The following SMARCB1 variants were observed in gnomAD, a reference collection of about 807,000 sequenced individuals.
SMARCB1 encodes SWI/SNF-related matrix-associated actin-dependent regulator of chromatin subfamily B member 1.
In SMARCB1, 5 loss-of-function variants were observed where a neutral mutation model predicts 49.0. That is an observed-to-expected ratio of 0.10 (90% CI 0.05 to 0.21). SMARCB1 has a LOEUF of 0.21. SMARCB1 is among the 10% of genes least tolerant of loss of function. SMARCB1 has a pLI of 1.00. For synonymous variants in SMARCB1, 201 were observed against 200.1 expected (o/e 1.00, Z -0.04); for missense variants, 226 against 509.2 (o/e 0.44, Z 5.35).
At chr22:23,816,685 C>A in intron 5 of SMARCB1, 85 bp from the exon 6 acceptor site, 1 of 1,325,086 alleles carries the variant, frequency 7.5e-7, no homozygotes, top group Non-Finnish European at 1.1e-6. Context: ...AGATGTTTGG[C>A]TTCAAAGAAG....
Position 23,816,776 on chromosome 22 carries a change from T to C in SMARCB1, c.635T>C (p.Leu212Ser), listed in dbSNP as rs1370684080. 1.2e-6 allele frequency: 2 copies of C among 1,613,652 alleles called. No homozygotes were observed. The highest frequency in any genetic ancestry group is 1.7e-6 in the Non-Finnish European group (2 of 1,179,938). ...TTCCCTCTCCTGATTTCAGAGAAGT[T>C]GATGACGCCTGAGATGTTTTCAGAA... ...DAFTWNMNEK[L>S]MTPEMFSEIL... Residue 212 changes from leucine to serine, a missense_variant, in exon 6 of 9, where the codon TTG (leucine) becomes TCG (serine). Physicochemically the swap from Leu to Ser is moderately radical, Grantham distance 145. Coordinates refer to ENST00000644036, the MANE Select transcript of SMARCB1 (RefSeq NM_003073.5).
At position 23,835,770 on chromosome 22, in the gene SMARCB1, C is replaced by T; in HGVS notation, c.*1590C>T. The T allele has an allele frequency of 1.0e-6, 1 of 985,474 alleles. No homozygotes were observed. 61.0% of individuals were successfully genotyped at this position (985,474 alleles called of 1,614,324 possible). On this transcript the variant is annotated 3_prime_UTR_variant, in exon 9 of 9. Coordinates refer to ENST00000644036, the MANE Select transcript of SMARCB1 (RefSeq NM_003073.5). ...ATGAAAGGGTGAGGCAGCCCTGTGT[C>T]TCCACAACTGGGGGGATGGAAGGAA...
chr22:23,823,440 T>G (rs2030209871), intron 6 of SMARCB1: 1 of 152,284 alleles, frequency 6.6e-6, no homozygotes, highest in Non-Finnish European at 1.5e-5. Context: ...TATGTGGAGA[T>G]AGCAAAGGAC....
chr22:23,793,970 G>A (rs1928580931), intron 3 of SMARCB1, among the ~76,000 whole-genome samples: 2 of 151,980 alleles, frequency 1.3e-5, no homozygotes, highest in Non-Finnish European at 2.9e-5. Context: ...TTGAGACAGA[G>A]TTTCACTCTT....
At chr22:23,816,692 G>GA in intron 5 of SMARCB1, 78 bp from the exon 6 acceptor site, 2 of 1,394,828 alleles carry the variant, frequency 1.4e-6, no homozygotes, top group Non-Finnish European at 2.0e-6. Flanking sequence ...TGGCTTCAAA[G>GA]AAGAAGGGGT....
chr22:23,805,101 T>C (rs1929411880), intron 5 of SMARCB1, among the ~76,000 whole-genome samples: 2 of 152,172 alleles, frequency 1.3e-5, no homozygotes, highest in African/African-American at 4.8e-5. Context: ...GTGCTAGGCC[T>C]ACCACTTGCT....
intron 5 of SMARCB1, 168 bp from the exon 6 acceptor site, chr22:23,816,602 G>A: frequency 1.4e-6 from 1 of 714,768 alleles, no homozygotes; most frequent in Non-Finnish European, 2.5e-6. Flanking sequence ...TGCTAGTCAT[G>A]TGCTTCCTCC....
intron 5 of SMARCB1, among the ~76,000 whole-genome samples, chr22:23,814,322 TG>T (rs1296125682): frequency 6.6e-6 from 1 of 152,120 alleles, no homozygotes; most frequent in Non-Finnish European, 1.5e-5. Flanking sequence ...TGTGATTCAA[TG>T]GAGGAAAGAC....
At chr22:23,833,993 G>C in intron 8 of SMARCB1, 148 bp from the exon 9 acceptor site, 4 of 877,788 alleles carry the variant, frequency 4.6e-6, no homozygotes, top group Middle Eastern at 3.2e-4. Flanking sequence ...AGGCGAGGCT[G>C]AGAGAAGGCT....
In SMARCB1 at chr22:23,826,964, C is replaced by T. The variant is rs28372517; in HGVS notation, c.986+1549C>T. ...AGGCTGGGGGGCTGGTGTCTGATGC[C>T]TCCCTGTTCCCTCGGGGTGTTGCCT... On this transcript the variant is annotated intron_variant, in intron 7 of 8. Coordinates refer to ENST00000644036, the MANE Select transcript of SMARCB1 (RefSeq NM_003073.5). 3.6e-4 allele frequency among the ~76,000 whole-genome samples: 55 copies of T among 152,322 alleles called. No homozygotes were observed. In the East Asian group the frequency reaches 9.9e-3, roughly 27 times the overall value.
intron 4 of SMARCB1, chr22:23,801,666 C>G: frequency 3.2e-6 from 1 of 312,602 alleles, no homozygotes. Flanking sequence ...GGTCACGTGG[C>G]CTTCTCTGCA....
chr22:23,825,672 C>G, intron 7 of SMARCB1: 1 of 536,662 alleles, frequency 1.9e-6, no homozygotes, highest in Admixed American at 3.2e-5. Flanking sequence ...ACCTCAAGTC[C>G]TTGCCTCCAC....
Position 23,837,666 on chromosome 22 carries a change from G to A in SMARCB1, c.*3486G>A, listed in dbSNP as rs772551294. On this transcript the variant is annotated 3_prime_UTR_variant, in exon 9 of 9. Coordinates refer to ENST00000644036, the MANE Select transcript of SMARCB1 (RefSeq NM_003073.5). ...ATGTACCGGGAGGCTCACCCAGCAG[G>A]TCCACGAGGATGGAGTTGCCCAGCA... 1.2e-6 allele frequency: 2 copies of A among 1,612,730 alleles called. No homozygotes were observed. Among genetic ancestry groups the A allele is most frequent in the Admixed American group, 3.3e-5 (2 of 59,960 alleles).
At chr22:23,832,852 C>G (rs930732461) in intron 7 of SMARCB1, among the ~76,000 whole-genome samples, 1 of 152,260 alleles carries the variant, frequency 6.6e-6, no homozygotes, top group African/African-American at 2.4e-5. Context: ...CTTGCTGCCC[C>G]CTTCCTCTGC....
intron 3 of SMARCB1, among the ~76,000 whole-genome samples, chr22:23,797,284 C>T (rs1340080900): frequency 6.8e-6 from 1 of 146,822 alleles, no homozygotes; most frequent in African/African-American, 2.6e-5. Context: ...AGGCGTGAGC[C>T]ACCGGGCCTG....
At position 23,836,579 on chromosome 22, in the gene SMARCB1, T is replaced by C; in HGVS notation, c.*2399T>C. On this transcript the variant is annotated 3_prime_UTR_variant, in exon 9 of 9. Coordinates refer to ENST00000644036, the MANE Select transcript of SMARCB1 (RefSeq NM_003073.5). ...CTGGCAACCTGTGAGCTCAAAGCTC[T>C]GCCAGGCAACCATGGGCAGTTTCTT... 8.8e-7 allele frequency: 1 copy of C among 1,140,580 alleles called. No individual in the cohort carries two copies. Among genetic ancestry groups the C allele is most frequent in the African/African-American group, 1.6e-5 (1 of 61,922 alleles). 70.7% of individuals were successfully genotyped at this position (1,140,580 alleles called of 1,614,324 possible).
chr22:23,813,908 T>C (rs996210574), intron 5 of SMARCB1, among the ~76,000 whole-genome samples: 2 of 152,170 alleles, frequency 1.3e-5, no homozygotes, highest in Non-Finnish European at 2.9e-5. Flanking sequence ...CTGCTCACTG[T>C]AACCTCCACC....
At chr22:23,818,734 C>CT (rs138679947) in intron 6 of SMARCB1, 18,725 of 151,142 alleles carry the variant, frequency 0.12, 1,242 homozygotes, top group South Asian at 0.27. Flanking sequence ...ATTTACATTC[C>CT]TAAGGGAATC....
At chr22:23,803,027 C>G in intron 4 of SMARCB1, 1 of 552,242 alleles carries the variant, frequency 1.8e-6, no homozygotes. Context: ...TATCCCTTCA[C>G]AGGATGTCTG....
Sources: allele counts gnomAD v4.1 joint callset (sites outside exome capture counted in the v4.1 genomes callset), GRCh38; gene constraint gnomAD v4.1.1; transcripts MANE v1.5; gene names NCBI Gene and HGNC (gene_info 2026-07-23, HGNC 2026-07-21).